SLFN14: variants seen among roughly 807,000 people sequenced by gnomAD.
SLFN14 encodes the protein protein SLFN14.
In SLFN14, 47 loss-of-function variants were observed where a neutral mutation model predicts 58.6. That is an observed-to-expected ratio of 0.80 (90% CI 0.64 to 1.02). The LOEUF (loss-of-function observed/expected upper bound fraction) is 1.02. Ranked by LOEUF, SLFN14 falls within the 50% of genes least tolerant of loss-of-function variation. The pLI is 0.00. For synonymous variants in SLFN14, 390 were observed against 387.3 expected, an observed-to-expected ratio of 1.01 and a Z score of -0.08; for missense variants, 967 against 1,078.4, an observed-to-expected ratio of 0.90 and a Z score of 1.45.
At chr17:35,554,742 TA>T in intron 3 of SLFN14, 38 bp from the exon 4 acceptor site, 1 of 1,149,392 alleles carries the variant, frequency 8.7e-7, no homozygotes, top group Non-Finnish European at 1.1e-6. Context: ...AGACAAAAAA[TA>T]AAAAGTTAAA....
intron 5 of SLFN14, among the ~76,000 whole-genome samples, chr17:35,552,057 G>C (rs576508594): frequency 6.6e-6 from 1 of 152,262 alleles, no homozygotes; most frequent in East Asian, 1.9e-4. Context: ...TTCAAATGGA[G>C]CCCCAGATGC....
At chr17:35,552,259 G>C (rs2072597000) in intron 5 of SLFN14, among the ~76,000 whole-genome samples, 1 of 152,110 alleles carries the variant, frequency 6.6e-6, no homozygotes, top group African/African-American at 2.4e-5. Context: ...TTCCTGTTGA[G>C]GGGGGCACTG....
chr17:35,559,016 C>T (rs2072678775), intron 2 of SLFN14, among the ~76,000 whole-genome samples: 1 of 150,804 alleles, frequency 6.6e-6, no homozygotes, highest in African/African-American at 2.4e-5. Flanking sequence ...TTGAGACCAG[C>T]GTGGACAACA....
chr17:35,557,982 T>C lies in SLFN14; in HGVS notation c.81A>G (p.Glu27=). 1.9e-6 allele frequency: 3 copies of C among 1,551,666 alleles called. No individual in the cohort carries two copies. The highest frequency in any genetic ancestry group is 2.6e-6 in the Non-Finnish European group (3 of 1,146,992). Residue 27 remains glutamate (E), a synonymous_variant, in exon 3 of 6, where the codon GAA becomes GAG. Coordinates refer to ENST00000674182, the MANE Select transcript of SLFN14 (RefSeq NM_001129820.2). ...AGCTGTTGGTCATCTTCTTCCTGTT[T>C]TCTTCTCCAAAAATCACTCTGCCCA... The part of the protein sequence containing the change: ...VDVGRVIFGE[E]NRKKMTNSCL...
chr17:35,557,354 T>G lies in SLFN14; in HGVS notation c.709A>C (p.Asn237His), dbSNP rs952495581. 3 of 1,551,620 alleles carry G rather than the reference T, an allele frequency of 1.9e-6. No individual in the cohort carries two copies. In the African/African-American group the frequency reaches 4.1e-5, roughly 21 times the overall value. The change falls in exon 3 of 6, where the codon AAC becomes CAC. Residue 237 changes from asparagine to histidine, a missense_variant. Transcript: ENST00000674182. ...MLPHYVSAFA[N>H]TQGGYVLIGV... The stretch of plus-strand genomic sequence containing the variant: ...ATGAGGACATATCCCCCTTGAGTGT[T>G]GGCAAATGCAGAAACATAATGAGGC...
chr17:35,557,642 A>G lies in SLFN14; in HGVS notation c.421T>C (p.Leu141=), dbSNP rs1778717858. 1.3e-6 allele frequency: 2 copies of G among 1,551,718 alleles called. No homozygotes were observed. The highest frequency in any genetic ancestry group is 1.2e-5 in the South Asian group (1 of 84,068). The change falls in exon 3 of 6, where the codon TTG becomes CTG. Residue 141 remains leucine (L), a synonymous_variant. Coordinates refer to ENST00000674182, the MANE Select transcript of SLFN14 (RefSeq NM_001129820.2). ...AGCTCCAGGGCACTGCTAGCACTCA[A>G]GTTGATAGCAGAAGTCACATCTCTC... is the stretch of plus-strand genomic sequence containing the variant. The part of the protein sequence containing the change: ...YRRDVTSAIN[L]SASSALELLR...
At chr17:35,559,847 A>C (rs745332376) in intron 1 of SLFN14, among the ~76,000 whole-genome samples, 42 bp from the exon 2 acceptor site, 3 of 152,188 alleles carry the variant, frequency 2.0e-5, no homozygotes, top group Non-Finnish European at 2.9e-5. Flanking sequence ...TCTTTTTAGA[A>C]TGTGAGCCTC....
At chr17:35,560,271 T>C (rs1040052793) in intron 1 of SLFN14, among the ~76,000 whole-genome samples, 3 of 152,232 alleles carry the variant, frequency 2.0e-5, no homozygotes, top group Non-Finnish European at 4.4e-5. Flanking sequence ...TTATGATAAA[T>C]ACAACATTTA....
chr17:35,554,797 G>A, intron 3 of SLFN14, 93 bp from the exon 4 acceptor site: 5 of 1,121,232 alleles, frequency 4.5e-6, no homozygotes, highest in Non-Finnish European at 4.7e-6. Context: ...TCTTACTGGA[G>A]ACCTGTGATG....
chr17:35,556,894 G>A, intron 3 of SLFN14, 109 bp downstream of exon 3: 1 of 1,066,612 alleles, frequency 9.4e-7, no homozygotes, highest in South Asian at 1.8e-5. Flanking sequence ...ACACTTATAA[G>A]AAAAATAAAT....
At chr17:35,559,428 T>C (rs907444047) in intron 2 of SLFN14, among the ~76,000 whole-genome samples, 3 of 152,054 alleles carry the variant, frequency 2.0e-5, no homozygotes, top group Non-Finnish European at 4.4e-5. Context: ...TTCCTTCCCT[T>C]CTAATAGTTC....
chr17:35,549,802 C>A (rs1047037940), intron 5 of SLFN14, among the ~76,000 whole-genome samples: 1 of 152,212 alleles, frequency 6.6e-6, no homozygotes. Context: ...GGCCTTTACT[C>A]CCTATGCCTT....
intron 2 of SLFN14, among the ~76,000 whole-genome samples, 60 bp downstream of exon 2, chr17:35,559,667 A>G (rs2072683359): frequency 6.6e-6 from 1 of 152,216 alleles, no homozygotes; most frequent in South Asian, 2.1e-4. Context: ...GGAGAAGAGA[A>G]CCCATCTTTC....
rs1474028233 is a variant in SLFN14 at position 35,544,396 on chromosome 17, A to G, written c.*3843T>C. Among the ~76,000 whole-genome samples, 8 of 150,950 alleles carry G rather than the reference A, an allele frequency of 5.3e-5. No homozygotes were observed. Among genetic ancestry groups the G allele is most frequent in the Non-Finnish European group, 1.0e-4 (7 of 67,854 alleles). On this transcript the variant is annotated 3_prime_UTR_variant, in exon 6 of 6. Coordinates refer to ENST00000674182, the MANE Select transcript of SLFN14 (RefSeq NM_001129820.2). ...AAACAATTAAATGGAAAAAGCACAC[A>G]TATACGTTATAAAGTTGATGGCACA...
intron 2 of SLFN14, among the ~76,000 whole-genome samples, chr17:35,559,417 T>A (rs112393258): frequency 0.014 from 2,097 of 152,170 alleles, 39 homozygotes; most frequent in African/African-American, 0.048. Context: ...ACAGCAGCAT[T>A]TTCCTTCCCT....
chr17:35,557,683 C>A lies in SLFN14; in HGVS notation c.380G>T (p.Arg127Leu). Residue 127 changes from arginine (R) to leucine (L), a missense_variant, in exon 3 of 6, where the codon CGC (arginine) becomes CTC (leucine). Arg to Leu is a moderately radical substitution (Grantham distance 102, BLOSUM62 -2). Coordinates refer to ENST00000674182, the MANE Select transcript of SLFN14 (RefSeq NM_001129820.2). ...CACATCTCTCCGATACAAATTGGAG[C>A]GCAAGCTGCAAATCCTTAGTGGAAG... The part of the protein sequence containing the change: ...FSLPLRICSL[R>L]SNLYRRDVTS... The A allele has an allele frequency of 6.4e-7, 1 of 1,551,686 alleles. No homozygotes were observed. Among genetic ancestry groups the A allele is most frequent in the Non-Finnish European group, 8.7e-7 (1 of 1,146,986 alleles).
At chr17:35,558,826 A>G (rs576308079) in intron 2 of SLFN14, among the ~76,000 whole-genome samples, 1 of 152,262 alleles carries the variant, frequency 6.6e-6, no homozygotes, top group East Asian at 1.9e-4. Flanking sequence ...AGATGCTCTT[A>G]TTTATAATTC....
Position 35,553,274 on chromosome 17 carries a change from C to CA in SLFN14, c.1359dup (p.Val454CysfsTer4). The CA allele has an allele frequency of 1.3e-6, 2 of 1,551,676 alleles. No homozygotes were observed. Among genetic ancestry groups the CA allele is most frequent in the Non-Finnish European group, 1.7e-6 (2 of 1,146,990 alleles). On this transcript the variant is annotated frameshift_variant, in exon 5 of 6. Transcript: ENST00000674182. LOFTEE classifies it high-confidence loss of function. Reference sequence around the variant, plus strand: ...GCTATCAGGAGAGCATCACACAGGACATTCTGTTCTTTCCTGAAGCCAACA... The same window carrying CA: ...GCTATCAGGAGAGCATCACACAGGACAATTCTGTTCTTTCCTGAAGCCAACA...
chr17:35,553,642 A>T (rs185625584), intron 4 of SLFN14, among the ~76,000 whole-genome samples, 198 bp from the exon 5 acceptor site: 259 of 151,918 alleles, frequency 1.7e-3, no homozygotes, highest in Non-Finnish European at 3.1e-3. Context: ...TGTCTGGAAA[A>T]TTTTTTCTTT....
Sources: gnomAD v4.1 joint callset for allele counts (sites outside exome capture counted in the v4.1 genomes callset) on GRCh38, gnomAD v4.1.1 for gene constraint, MANE v1.5 for transcripts, NCBI Gene and HGNC (gene_info 2026-07-23, HGNC 2026-07-21) for gene names.